DNM1L: variants seen among roughly 807,000 people sequenced by gnomAD.
DNM1L encodes dynamin-1-like protein.
In DNM1L, 33 loss-of-function variants were observed where a neutral mutation model predicts 92.8. That is an observed-to-expected ratio of 0.36 (90% CI 0.27 to 0.48). DNM1L has a LOEUF of 0.48. Ranked by LOEUF, DNM1L falls within the 20% of genes least tolerant of loss-of-function variation. DNM1L has a pLI of 0.99. For missense variants in DNM1L, 485 were observed against 888.8 expected (o/e 0.55, Z 5.78); for synonymous variants, 284 against 305.0 (o/e 0.93, Z 0.72).
chr12:32,714,341 C>T (rs1433121496), intron 6 of DNM1L, among the ~76,000 whole-genome samples: 8 of 148,208 alleles, frequency 5.4e-5, no homozygotes, highest in Admixed American at 1.4e-4. Flanking sequence ...GGCGCGATCT[C>T]GGTTCACTGC....
intron 8 of DNM1L, among the ~76,000 whole-genome samples, chr12:32,721,282 A>G (rs1033039733): frequency 6.6e-6 from 1 of 152,190 alleles, no homozygotes; most frequent in Non-Finnish European, 1.5e-5. Flanking sequence ...AGCCCTTTCT[A>G]GATGATTTAT....
At chr12:32,724,717 A>G (rs564170857) in intron 9 of DNM1L, among the ~76,000 whole-genome samples, 1 of 148,410 alleles carries the variant, frequency 6.7e-6, no homozygotes, top group Admixed American at 6.8e-5. Context: ...AAGATCACTA[A>G]CTGATAGTTT....
Position 32,737,156 on chromosome 12 carries a change from G to A in DNM1L, c.1591G>A (p.Asp531Asn), listed in dbSNP as rs773474698. 3.1e-6 allele frequency: 5 copies of A among 1,613,616 alleles called. No individual in the cohort carries two copies. In the East Asian group the frequency reaches 1.1e-4, roughly 36 times the overall value. The change falls in exon 14 of 20, where the codon GAC becomes AAC. Residue 531 changes from aspartate to asparagine, a missense_variant. By Grantham distance (23) the Asp-to-Asn change is conservative. This residue lies in a region of DNM1L where 65 missense variants were observed against 59.4 expected (regional missense o/e 1.09). Coordinates refer to ENST00000549701, the MANE Select transcript of DNM1L (RefSeq NM_012062.5). The stretch of plus-strand genomic sequence containing the variant: ...AGAATTACCTTCAGCTGTATCACGA[G>A]ACAAGGTAAAAAAATGTTTTTAATG... ...ARELPSAVSR[D>N]KSSKVPSALA...
chr12:32,704,526 G>C (rs1375768257), intron 2 of DNM1L, among the ~76,000 whole-genome samples: 2 of 145,378 alleles, frequency 1.4e-5, no homozygotes, highest in African/African-American at 5.3e-5. Context: ...CTCCAGCCTG[G>C]GCAACAGAGC....
chr12:32,695,419 CAA>C (rs1565494814), intron 1 of DNM1L, among the ~76,000 whole-genome samples: 3 of 151,956 alleles, frequency 2.0e-5, no homozygotes, highest in African/African-American at 7.3e-5. Context: ...TAAGACATTT[CAA>C]AAATTAATTT....
Position 32,720,578 on chromosome 12 carries a change from G to C in DNM1L, c.741-86G>C, listed in dbSNP as rs375027724. The C allele has an allele frequency of 3.2e-6, 5 of 1,569,182 alleles. No homozygotes were observed. The East Asian group carries it at 6.8e-5, about 21-fold the overall frequency. The stretch of plus-strand genomic sequence containing the variant: ...ATAAAACAGTCCCTGTCAGGTATTA[G>C]AGAACAATGCCTGGTGCTGTCATCA... On this transcript the variant is annotated intron_variant, in intron 7 of 19. Transcript: ENST00000549701.
intron 18 of DNM1L, among the ~76,000 whole-genome samples, chr12:32,742,152 T>G (rs1456611514): frequency 6.6e-6 from 1 of 152,144 alleles, no homozygotes; most frequent in Non-Finnish European, 1.5e-5. Flanking sequence ...TTGCCCAGGC[T>G]GGAGTGCAGT....
chr12:32,735,476 A>G (rs1308864011), intron 13 of DNM1L, among the ~76,000 whole-genome samples: 2 of 152,184 alleles, frequency 1.3e-5, no homozygotes, highest in Admixed American at 6.5e-5. Flanking sequence ...TTTATTTTGA[A>G]GATTGTTAAT....
chr12:32,743,499 T>C lies in DNM1L; in HGVS notation c.*89T>C. On this transcript the variant is annotated 3_prime_UTR_variant, in exon 20 of 20. Transcript: ENST00000549701. ...AGAATCTTATTTATGAACTCCTGTG[T>C]ATTGCAATGGTATGAATCTGCTCAT... The C allele has an allele frequency of 7.9e-7, 1 of 1,260,444 alleles. No individual in the cohort carries two copies. Among genetic ancestry groups the C allele is most frequent in the Admixed American group, 1.8e-5 (1 of 56,782 alleles). 78.1% of individuals were successfully genotyped at this position (1,260,444 alleles called of 1,614,324 possible).
chr12:32,736,877 C>G, intron 13 of DNM1L: 1 of 515,100 alleles, frequency 1.9e-6, no homozygotes. Flanking sequence ...CTGTTACTGA[C>G]AGTGTATTGT....
chr12:32,717,296 TTA>T (rs1177672882), intron 6 of DNM1L, among the ~76,000 whole-genome samples: 7 of 87,564 alleles, frequency 8.0e-5, no homozygotes, highest in Non-Finnish European at 6.1e-5. Context: ...ACTATATATT[TTA>T]TATATACTAT....
chr12:32,680,025 A>G, intron 1 of DNM1L: 1 of 984,886 alleles, frequency 1.0e-6, no homozygotes, highest in Non-Finnish European at 1.2e-6. Context: ...GTATAATTCC[A>G]CCAGGTTTCG....
intron 13 of DNM1L, among the ~76,000 whole-genome samples, chr12:32,735,142 T>C (rs911671002): frequency 6.6e-6 from 1 of 152,230 alleles, no homozygotes; most frequent in African/African-American, 2.4e-5. Flanking sequence ...CAAGGTCATA[T>C]GTGATATGAT....
At chr12:32,715,664 G>A (rs1035135375) in intron 6 of DNM1L, among the ~76,000 whole-genome samples, 4 of 152,142 alleles carry the variant, frequency 2.6e-5, no homozygotes, top group Non-Finnish European at 5.9e-5. Context: ...CTGTGGAGGC[G>A]AAGGTTACAA....
rs1464839438 is a variant in DNM1L at position 32,720,827 on chromosome 12, G to A, written c.872+32G>A. On this transcript the variant is annotated intron_variant, in intron 8 of 19. Coordinates refer to ENST00000549701, the MANE Select transcript of DNM1L (RefSeq NM_012062.5). Reference sequence around the variant, plus strand: ...TTTTTACCTTTTGGAAATGAGATGTGTTTGTTTTTACCAATTGGTGTCTGA... The same window carrying A: ...TTTTTACCTTTTGGAAATGAGATGTATTTGTTTTTACCAATTGGTGTCTGA... 5 of 1,610,628 alleles carry A rather than the reference G, an allele frequency of 3.1e-6. No individual in the cohort carries two copies. The Admixed American group carries it at 8.3e-5, about 27-fold the overall frequency.
At chr12:32,717,981 A>G (rs1953598872) in intron 6 of DNM1L, among the ~76,000 whole-genome samples, 1 of 107,806 alleles carries the variant, frequency 9.3e-6, no homozygotes, top group African/African-American at 4.0e-5. Context: ...TATATAGTAT[A>G]TATAGTATGT....
At chr12:32,681,862 C>CATAAA (rs1565966282) in intron 1 of DNM1L, among the ~76,000 whole-genome samples, 1 of 151,856 alleles carries the variant, frequency 6.6e-6, no homozygotes, top group Non-Finnish European at 1.5e-5. Context: ...TAGCCAGGTG[C>CATAAA]TATGGTGTGT....
intron 1 of DNM1L, among the ~76,000 whole-genome samples, chr12:32,697,650 GTATGTT>G (rs1952523117): frequency 6.6e-6 from 1 of 152,048 alleles, no homozygotes; most frequent in African/African-American, 2.4e-5. Context: ...TTAGAGGAAT[GTATGTT>G]TATGTTAGGG....
chr12:32,689,872 A>G (rs1015271091), intron 1 of DNM1L, among the ~76,000 whole-genome samples: 5 of 152,264 alleles, frequency 3.3e-5, no homozygotes, highest in Admixed American at 3.3e-4. Context: ...AAAAATCCCA[A>G]TACAGTGCAG....
Sources: allele counts gnomAD v4.1 joint callset (sites outside exome capture counted in the v4.1 genomes callset), GRCh38; gene constraint gnomAD v4.1.1; regional missense constraint gnomAD v4.1.1; transcripts MANE v1.5; gene names NCBI Gene and HGNC (gene_info 2026-07-23, HGNC 2026-07-21).